The following EXOC4 variants were observed in gnomAD, a reference collection of about 807,000 sequenced individuals.
EXOC4 encodes exocyst complex component 4.
Under a neutral mutation model 107.2 loss-of-function variants are expected in EXOC4, and 71 were observed. The observed-to-expected ratio is 0.66, with a 90% CI of 0.55 to 0.81. The LOEUF is 0.81. Among genes scored for constraint, EXOC4 ranks in the 30% least tolerant of loss-of-function variants. The pLI, the probability that EXOC4 is intolerant of heterozygous loss-of-function variation, is 0.00. For missense variants in EXOC4, 1,108 were observed against 1,189.6 expected (o/e 0.93, Z 1.01); for synonymous variants, 456 against 441.2 (o/e 1.03, Z -0.42).
intron 9 of EXOC4, among the ~76,000 whole-genome samples, chr7:133,564,617 A>G (rs1800871981): frequency 6.6e-6 from 1 of 152,208 alleles, no homozygotes; most frequent in South Asian, 2.1e-4. Flanking sequence ...ACCATACCTT[A>G]AACCTAAGTA....
At chr7:133,268,313 T>C (rs1482624450) in intron 1 of EXOC4, among the ~76,000 whole-genome samples, 1 of 152,228 alleles carries the variant, frequency 6.6e-6, no homozygotes, top group Non-Finnish European at 1.5e-5. Flanking sequence ...ATATAGTTGA[T>C]GAGGTAGTAA....
intron 9 of EXOC4, among the ~76,000 whole-genome samples, chr7:133,552,999 A>G (rs1453898121): frequency 6.6e-6 from 1 of 152,126 alleles, no homozygotes; most frequent in Non-Finnish European, 1.5e-5. Context: ...TTGAAGGATC[A>G]TTGACTGGGT....
chr7:133,396,930 A>G (rs1455074461), intron 7 of EXOC4, among the ~76,000 whole-genome samples: 2 of 152,168 alleles, frequency 1.3e-5, no homozygotes, highest in African/African-American at 4.8e-5. Flanking sequence ...TTTTACCTGC[A>G]TTATATTTAG....
intron 10 of EXOC4, among the ~76,000 whole-genome samples, chr7:133,683,169 A>G (rs902685830): frequency 1.6e-4 from 24 of 152,138 alleles, no homozygotes; most frequent in Admixed American, 1.5e-3. Context: ...TTTATATTGC[A>G]TAGCTCATTC....
At chr7:133,770,954 T>C (rs1004716938) in intron 10 of EXOC4, among the ~76,000 whole-genome samples, 3 of 151,968 alleles carry the variant, frequency 2.0e-5, no homozygotes, top group African/African-American at 7.2e-5. Context: ...CCTAAGAGTT[T>C]AGCAGAAGGG....
At chr7:133,633,802 T>A (rs1030615021) in intron 10 of EXOC4, among the ~76,000 whole-genome samples, 1 of 152,190 alleles carries the variant, frequency 6.6e-6, no homozygotes, top group African/African-American at 2.4e-5. Flanking sequence ...GTATCATTTT[T>A]TTTTCTTACG....
chr7:133,562,431 C>T (rs1236124635), intron 9 of EXOC4, among the ~76,000 whole-genome samples: 3 of 152,078 alleles, frequency 2.0e-5, no homozygotes, highest in South Asian at 4.1e-4. Flanking sequence ...CTTTTGCTTC[C>T]GGTTAGTGTG....
intron 10 of EXOC4, among the ~76,000 whole-genome samples, chr7:133,680,765 C>G (rs765011666): frequency 6.6e-6 from 1 of 152,198 alleles, no homozygotes; most frequent in Admixed American, 6.5e-5. Context: ...ACTTTTCCCA[C>G]TTTAAATACA....
chr7:133,576,320 G>C, intron 9 of EXOC4: 2 of 418,620 alleles, frequency 4.8e-6, no homozygotes, highest in Admixed American at 3.8e-5. Flanking sequence ...ATTAGGATCT[G>C]TGTTGGTTGA....
chr7:133,253,356 T>A (rs7790835), intron 1 of EXOC4, 169 bp downstream of exon 1: 1 of 1,396,720 alleles, frequency 7.2e-7, no homozygotes, highest in African/African-American at 1.5e-5. Context: ...CAATTCCCCC[T>A]CCACCTTTTT....
intron 6 of EXOC4, among the ~76,000 whole-genome samples, chr7:133,366,896 T>C (rs138570301): frequency 4.0e-4 from 61 of 152,196 alleles, no homozygotes; most frequent in African/African-American, 1.3e-3. Flanking sequence ...TTAATAATCC[T>C]GGCAAAAGGC....
At chr7:133,741,054 C>A (rs1334278330) in intron 10 of EXOC4, among the ~76,000 whole-genome samples, 1 of 152,178 alleles carries the variant, frequency 6.6e-6, no homozygotes, top group African/African-American at 2.4e-5. Context: ...GAACTTAAAT[C>A]CAGCCCATCT....
intron 9 of EXOC4, among the ~76,000 whole-genome samples, chr7:133,537,975 A>G (rs1225322456): frequency 1.3e-5 from 2 of 152,164 alleles, no homozygotes; most frequent in Non-Finnish European, 2.9e-5. Context: ...AGTAGGAACA[A>G]CTACAAGAGC....
At chr7:133,258,372 C>A (rs1390755608) in intron 1 of EXOC4, among the ~76,000 whole-genome samples, 1 of 152,142 alleles carries the variant, frequency 6.6e-6, no homozygotes, top group Non-Finnish European at 1.5e-5. Flanking sequence ...ATTATTTGTA[C>A]ATAGATGTGG....
chr7:133,857,976 G>A (rs550405359), intron 11 of EXOC4, among the ~76,000 whole-genome samples: 5 of 152,238 alleles, frequency 3.3e-5, no homozygotes, highest in Admixed American at 1.3e-4. Context: ...TGGGGTAGCC[G>A]CCCAACACCA....
chr7:133,692,169 A>G (rs1474240623), intron 10 of EXOC4, among the ~76,000 whole-genome samples: 1 of 152,254 alleles, frequency 6.6e-6, no homozygotes, highest in South Asian at 2.1e-4. Context: ...CTTAGCGCCA[A>G]TAAACCTAAG....
the EXOC4 span, among the ~76,000 whole-genome samples, chr7:134,085,920 G>A: frequency 6.6e-6 from 1 of 152,158 alleles, no homozygotes; most frequent in East Asian, 1.9e-4. Flanking sequence ...CATACACATG[G>A]CAGAGCTGTG....
At chr7:133,808,183 T>C (rs1036464776) in intron 10 of EXOC4, among the ~76,000 whole-genome samples, 1 of 152,180 alleles carries the variant, frequency 6.6e-6, no homozygotes, top group Non-Finnish European at 1.5e-5. Flanking sequence ...ACAGAAAATC[T>C]TTATATACAA....
At chr7:133,262,617 T>C (rs1795179642) in intron 1 of EXOC4, among the ~76,000 whole-genome samples, 1 of 152,184 alleles carries the variant, frequency 6.6e-6, no homozygotes, top group Non-Finnish European at 1.5e-5. Flanking sequence ...TGCTGAATAT[T>C]ATGGGAGAAT....
Sources: gnomAD v4.1 joint callset for allele counts (sites outside exome capture counted in the v4.1 genomes callset) on GRCh38, gnomAD v4.1.1 for gene constraint, MANE v1.5 for transcripts, NCBI Gene and HGNC (gene_info 2026-07-23, HGNC 2026-07-21) for gene names.